The following PDE6G variants were observed in gnomAD, a reference collection of about 807,000 sequenced individuals.
PDE6G encodes rod cGMP 3',5'-cyclic phosphodiesterase subunit gamma.
In PDE6G, 10 loss-of-function variants were observed where a neutral mutation model predicts 10.9. The ratio of observed to expected loss-of-function variants is 0.91; its 90% CI spans 0.56 to 1.55. PDE6G has a LOEUF of 1.55. PDE6G is among the 40% of genes most tolerant of loss of function. The pLI, the probability that PDE6G is intolerant of heterozygous loss-of-function variation, is 0.00. For missense variants in PDE6G, 102 were observed against 110.1 expected (o/e 0.93, Z 0.33); for synonymous variants, 41 against 42.8 (o/e 0.96, Z 0.16).
At chr17:81,652,079 G>A (rs1450064424) in intron 2 of PDE6G, among the ~76,000 whole-genome samples, 1 of 152,206 alleles carries the variant, frequency 6.6e-6, no homozygotes, top group Non-Finnish European at 1.5e-5. Flanking sequence ...GTGCATAAGA[G>A]TGTCATGCCC....
chr17:81,653,357 G>A lies in PDE6G; in HGVS notation c.-52C>T. ...AACCTTGGCTCCTGGACTCCCTCCTGCTGCGGTCTGGGGGCAGACCAGGCC... is the reference window on the plus strand; with the variant it reads ...AACCTTGGCTCCTGGACTCCCTCCTACTGCGGTCTGGGGGCAGACCAGGCC... On this transcript the variant is annotated 5_prime_UTR_variant, in exon 2 of 4. Coordinates refer to ENST00000331056, the MANE Select transcript of PDE6G (RefSeq NM_002602.4). This position sits in a 1 kb window ranked among gnomAD's most constrained non-coding sequence, Gnocchi z 5.2. 1.3e-6 allele frequency: 2 copies of A among 1,599,592 alleles called. No individual in the cohort carries two copies. Among genetic ancestry groups the A allele is most frequent in the East Asian group, 2.2e-5 (1 of 44,792 alleles).
At chr17:81,660,127 A>G (rs1434780358), upstream of PDE6G, among the ~76,000 whole-genome samples, 2 of 152,088 alleles carry the variant, frequency 1.3e-5, no homozygotes, top group African/African-American at 4.8e-5. Flanking sequence ...AAATGAGACT[A>G]TTAGGCTGGG....
rs2036360064 is a variant in PDE6G, at chr17:81,651,757, T to C, written c.147-72A>G. ...TCAGTCAGCCTGAGGCCCGAGGTCA[T>C]CTCTAGCCTTCCTAGGAGATGAGGT... On this transcript the variant is annotated intron_variant, in intron 2 of 3. Coordinates refer to ENST00000331056, the MANE Select transcript of PDE6G (RefSeq NM_002602.4). This position sits in a 1 kb window ranked among gnomAD's most constrained non-coding sequence, Gnocchi z 4.8. 1 of 1,502,570 alleles carries C rather than the reference T, an allele frequency of 6.7e-7. No homozygotes were observed. The highest frequency in any genetic ancestry group is 9.2e-7 in the Non-Finnish European group (1 of 1,088,934). The allele number at this position is 1,502,570 out of a possible 1,614,324, so 93.1% of individuals were successfully genotyped here. A position where few individuals can be genotyped will look rare whatever the true frequency, so the allele number is the denominator to read the frequency against.
upstream of PDE6G, among the ~76,000 whole-genome samples, chr17:81,657,840 C>T (rs2036467604): frequency 6.6e-6 from 1 of 151,724 alleles, no homozygotes; most frequent in East Asian, 2.0e-4. Flanking sequence ...GAGATCGCGC[C>T]ACCGCACTAG....
chr17:81,655,715 G>T (rs899702726), intron 1 of PDE6G, among the ~76,000 whole-genome samples: 2 of 152,220 alleles, frequency 1.3e-5, no homozygotes, highest in African/African-American at 4.8e-5. Context: ...CTGCTTGCCC[G>T]CACTGGATGC....
chr17:81,660,155 G>A (rs901483722), upstream of PDE6G, among the ~76,000 whole-genome samples: 1 of 152,120 alleles, frequency 6.6e-6, no homozygotes, highest in Admixed American at 6.6e-5. Flanking sequence ...GCTCACACCT[G>A]TAATCCAGCA....
At position 81,651,550 on chromosome 17, in the gene PDE6G, T is replaced by A. The variant is rs566473438; in HGVS notation, c.187+95A>T. The A allele has an allele frequency of 1.0e-6, 1 of 1,002,534 alleles. No homozygotes were observed. Among genetic ancestry groups the A allele is most frequent in the African/African-American group, 2.4e-5 (1 of 42,222 alleles). The allele number at this position is 1,002,534 out of a possible 1,614,324, so 62.1% of individuals were successfully genotyped here. A position where few individuals can be genotyped will look rare whatever the true frequency, so the allele number is the denominator to read the frequency against. ...GTCCCTAAGTGAAAAGCAGGGGAGGTGGGGGCCGAGGTGGGCTGCAATGGG... is the reference window on the plus strand; with the variant it reads ...GTCCCTAAGTGAAAAGCAGGGGAGGAGGGGGCCGAGGTGGGCTGCAATGGG... On this transcript the variant is annotated intron_variant, in intron 3 of 3. Coordinates refer to ENST00000331056, the MANE Select transcript of PDE6G (RefSeq NM_002602.4). The surrounding 1 kb of genome is among the most constrained non-coding windows in gnomAD (Gnocchi z 4.8).
Position 81,653,534 on chromosome 17 carries a change from G to GGTCCACCCGCA in PDE6G, c.-59-181_-59-171dup. The stretch of plus-strand genomic sequence containing the variant: ...GTAACCAGCCTGCCAGCTTTGCTTG[G>GGTCCACCCGCA]GTCCACCCGCACGCTCCCATTCCCC... On this transcript the variant is annotated intron_variant, in intron 1 of 3. Transcript: ENST00000331056. The surrounding 1 kb of genome is among the most constrained non-coding windows in gnomAD (Gnocchi z 5.2). The GGTCCACCCGCA allele has an allele frequency of 1.7e-6, 1 of 581,622 alleles. No homozygotes were observed. Among genetic ancestry groups the GGTCCACCCGCA allele is most frequent in the Non-Finnish European group, 3.1e-6 (1 of 325,176 alleles). The allele number at this position is 581,622 out of a possible 1,614,324, so 36.0% of individuals were successfully genotyped here.
chr17:81,652,699 C>T (rs947380012), intron 2 of PDE6G, among the ~76,000 whole-genome samples: 2 of 152,130 alleles, frequency 1.3e-5, no homozygotes, highest in Non-Finnish European at 2.9e-5. Flanking sequence ...CCTCAGCCTC[C>T]TGAGTAGCTG....
chr17:81,661,689 G>A (rs921170550), intron 1 of PDE6G, among the ~76,000 whole-genome samples: 4 of 151,890 alleles, frequency 2.6e-5, no homozygotes, highest in Admixed American at 6.6e-5. Flanking sequence ...GTGAAAGCCC[G>A]TTGCTACTGA....
At chr17:81,655,713 CCGCA>C in intron 1 of PDE6G, among the ~76,000 whole-genome samples, 1 of 152,250 alleles carries the variant, frequency 6.6e-6, no homozygotes, top group Non-Finnish European at 1.5e-5. Context: ...GGCTGCTTGC[CCGCA>C]CTGGATGCCC....
chr17:81,660,143 T>C (rs2036496706), upstream of PDE6G, among the ~76,000 whole-genome samples: 1 of 152,074 alleles, frequency 6.6e-6, no homozygotes, highest in Non-Finnish European at 1.5e-5. Context: ...CTGGGCACGG[T>C]GGCTCACACC....
chr17:81,651,557 C>T lies in PDE6G; in HGVS notation c.187+88G>A, dbSNP rs533764417. ...AGTGAAAAGCAGGGGAGGTGGGGGC[C>T]GAGGTGGGCTGCAATGGGCCCCGGG... is the stretch of plus-strand genomic sequence containing the variant. On this transcript the variant is annotated intron_variant, in intron 3 of 3. Coordinates refer to ENST00000331056, the MANE Select transcript of PDE6G (RefSeq NM_002602.4). This position sits in a 1 kb window ranked among gnomAD's most constrained non-coding sequence, Gnocchi z 4.8. 106 of 1,226,420 alleles carry T rather than the reference C, an allele frequency of 8.6e-5. No homozygotes were observed. The highest frequency in any genetic ancestry group is 1.2e-4 in the Non-Finnish European group (97 of 833,880). The allele number at this position is 1,226,420 out of a possible 1,614,324, so 76.0% of individuals were successfully genotyped here.
chr17:81,655,436 C>CTGGGG (rs2036432385), intron 1 of PDE6G, among the ~76,000 whole-genome samples: 1 of 152,248 alleles, frequency 6.6e-6, no homozygotes, highest in Non-Finnish European at 1.5e-5. Flanking sequence ...GGTCACCCGC[C>CTGGGG]TGGCGTGGCG....
intron 1 of PDE6G, among the ~76,000 whole-genome samples, chr17:81,662,229 G>A (rs1054292672): frequency 1.3e-5 from 2 of 152,064 alleles, no homozygotes; most frequent in Non-Finnish European, 2.9e-5. Flanking sequence ...CAGGCATGTC[G>A]TCAACCTTCG....
Position 81,650,471 on chromosome 17 carries a change from CTAATT to C in PDE6G, c.*598_*602del, listed in dbSNP as rs972428682. On this transcript the variant is annotated 3_prime_UTR_variant, in exon 4 of 4. Transcript: ENST00000331056. ...TATGCCACAGACAGGCAAGGACACA[CTAATT>C]TTATTTTGAAATAGGGACTGCAAGG... 4.4e-6 allele frequency: 2 copies of C among 450,626 alleles called. No individual in the cohort carries two copies. The highest frequency in any genetic ancestry group is 2.4e-5 in the Admixed American group (1 of 42,480). 27.9% of individuals were successfully genotyped at this position (450,626 alleles called of 1,614,324 possible). A position where few individuals can be genotyped will look rare whatever the true frequency, so the allele number is the denominator to read the frequency against.
At chr17:81,657,028 AG>A (rs2036456247), upstream of PDE6G, 1 of 220,916 alleles carries the variant, frequency 4.5e-6, no homozygotes, top group South Asian at 6.4e-5. Context: ...CACAGAAGCA[AG>A]GACAATGTTG....
At chr17:81,659,806 G>C (rs1163312784), upstream of PDE6G, among the ~76,000 whole-genome samples, 1 of 152,132 alleles carries the variant, frequency 6.6e-6, no homozygotes, top group African/African-American at 2.4e-5. Flanking sequence ...AAACTATTAG[G>C]CCGGGCACAT....
rs766951952 is a variant in PDE6G at position 81,653,300 on chromosome 17, G to A, written c.6C>T (p.Asn2=). 68 of 1,612,916 alleles carry A rather than the reference G, an allele frequency of 4.2e-5. No homozygotes were observed. Among genetic ancestry groups the A allele is most frequent in the Non-Finnish European group, 5.7e-5 (67 of 1,179,848 alleles). Residue 2 remains asparagine (N), a synonymous_variant, in exon 2 of 4, where the codon AAC becomes AAT. Transcript: ENST00000331056. This position sits in a 1 kb window ranked among gnomAD's most constrained non-coding sequence, Gnocchi z 5.2. M[N]LEPPKAEFRS... ...GGAACTCAGCCTTGGGCGGTTCCAG[G>A]TTCATGGTGAGGCTGACGGAGACAC...
Sources: allele counts gnomAD v4.1 joint callset (sites outside exome capture counted in the v4.1 genomes callset), GRCh38; gene constraint gnomAD v4.1.1; non-coding constraint Gnocchi (gnomAD v3.1); transcripts MANE v1.5; gene names NCBI Gene and HGNC (gene_info 2026-07-23, HGNC 2026-07-21).